The following RGS8 variants were observed in gnomAD, a reference collection of about 807,000 sequenced individuals.
RGS8 encodes regulator of G-protein signaling 8.
RGS8 carries 8 observed loss-of-function variants against 21.7 expected under a neutral mutation model. The observed-to-expected ratio is 0.37, with a 90% CI of 0.22 to 0.66. The LOEUF is 0.66. Among genes scored for constraint, RGS8 ranks in the 30% least tolerant of loss-of-function variants. RGS8 has a pLI of 0.59. For missense variants in RGS8, 157 were observed against 217.9 expected, an observed-to-expected ratio of 0.72 and a Z score of 1.76; for synonymous variants, 80 against 83.6, an observed-to-expected ratio of 0.96 and a Z score of 0.24.
At chr1:182,738,331 G>A in the RGS8 span, among the ~76,000 whole-genome samples, 1 of 152,100 alleles carries the variant, frequency 6.6e-6, no homozygotes, top group Non-Finnish European at 1.5e-5. Flanking sequence ...ACTTTTCCAG[G>A]TGTATTATGG....
At chr1:182,653,955 G>T (rs1001313562) in intron 5 of RGS8, among the ~76,000 whole-genome samples, 3 of 152,198 alleles carry the variant, frequency 2.0e-5, no homozygotes, top group African/African-American at 7.2e-5. Flanking sequence ...GCCTAGGAAA[G>T]GTAGGGTGTT....
the RGS8 span, among the ~76,000 whole-genome samples, chr1:182,751,638 C>A: frequency 6.6e-6 from 1 of 151,808 alleles, no homozygotes; most frequent in South Asian, 2.1e-4. Context: ...AACTTAAGAT[C>A]AATGATTTTT....
chr1:182,715,557 A>G, the RGS8 span, among the ~76,000 whole-genome samples: 28 of 152,222 alleles, frequency 1.8e-4, no homozygotes, highest in Admixed American at 3.3e-4. Flanking sequence ...GTGACCCAGC[A>G]TCACCCAGAT....
chr1:182,735,997 T>C, the RGS8 span, among the ~76,000 whole-genome samples: 1 of 152,262 alleles, frequency 6.6e-6, no homozygotes. Flanking sequence ...TCTGTCATTG[T>C]TTTTGCCATG....
upstream of RGS8, among the ~76,000 whole-genome samples, chr1:182,677,195 G>A (rs1664392689): frequency 1.3e-5 from 2 of 152,242 alleles, no homozygotes; most frequent in African/African-American, 4.8e-5. Context: ...ATCCAGAACT[G>A]TGGGCAAGCT....
chr1:182,679,654 C>A (rs1664477600), intron 1 of RGS8, among the ~76,000 whole-genome samples: 1 of 152,078 alleles, frequency 6.6e-6, no homozygotes, highest in African/African-American at 2.4e-5. Flanking sequence ...ATGTAGACAC[C>A]AATAGCTCCC....
At chr1:182,711,288 G>C in the RGS8 span, among the ~76,000 whole-genome samples, 6 of 152,272 alleles carry the variant, frequency 3.9e-5, no homozygotes, top group South Asian at 1.2e-3. Flanking sequence ...GCACCATGAT[G>C]TATCCCAATC....
upstream of RGS8, among the ~76,000 whole-genome samples, chr1:182,687,973 A>G (rs71632157): frequency 2.4e-3 from 368 of 152,332 alleles, 2 homozygotes; most frequent in South Asian, 0.013. Flanking sequence ...CATAGAGTTT[A>G]TGGTACATTT....
the RGS8 span, among the ~76,000 whole-genome samples, chr1:182,747,552 C>G: frequency 1.9e-3 from 282 of 152,260 alleles, no homozygotes; most frequent in African/African-American, 6.7e-3. Context: ...CCACTTCACT[C>G]AGAAATGAGC....
At position 182,666,855 on chromosome 1, in the gene RGS8, G is replaced by A. The variant is rs757029765; in HGVS notation, c.128+17C>T. 19 of 1,587,974 alleles carry A rather than the reference G, an allele frequency of 1.2e-5. No homozygotes were observed. In the Admixed American group the frequency reaches 2.0e-4, roughly 17 times the overall value. On this transcript the variant is annotated intron_variant, in intron 4 of 6. Transcript: ENST00000483095. ...TGCTGTATTACCCAGGGAATGGCAC[G>A]TGGCCGTACTACTCACTTGAGAGCG...
At chr1:182,730,192 G>A in the RGS8 span, among the ~76,000 whole-genome samples, 4 of 152,114 alleles carry the variant, frequency 2.6e-5, no homozygotes, top group South Asian at 6.2e-4. Context: ...CTCCACCAAG[G>A]AGCCCTGACT....
chr1:182,686,583 G>A (rs548866873), upstream of RGS8, among the ~76,000 whole-genome samples: 1 of 152,300 alleles, frequency 6.6e-6, no homozygotes, highest in Admixed American at 6.5e-5. Flanking sequence ...CAATCCATTT[G>A]AGAACTAGTT....
At chr1:182,712,986 TC>T in the RGS8 span, 1 of 152,172 alleles carries the variant, frequency 6.6e-6, no homozygotes, top group South Asian at 2.1e-4. Flanking sequence ...GTCAAATTAA[TC>T]ATTTGAATTT....
At chr1:182,660,952 G>T (rs1385379086) in intron 5 of RGS8, among the ~76,000 whole-genome samples, 1 of 151,904 alleles carries the variant, frequency 6.6e-6, no homozygotes, top group African/African-American at 2.4e-5. Flanking sequence ...GAACCTTTTG[G>T]CTTGGAGAGG....
chr1:182,680,354 T>C (rs1470170882), intron 1 of RGS8, among the ~76,000 whole-genome samples: 1 of 152,198 alleles, frequency 6.6e-6, no homozygotes, highest in Non-Finnish European at 1.5e-5. Context: ...CATGAGCACA[T>C]ATCACAGGGT....
At chr1:182,693,828 A>C in the RGS8 span, among the ~76,000 whole-genome samples, 1 of 152,220 alleles carries the variant, frequency 6.6e-6, no homozygotes. Flanking sequence ...AGCAACATGG[A>C]TGGTGCTGGA....
the RGS8 span, among the ~76,000 whole-genome samples, chr1:182,750,623 A>G: frequency 6.6e-6 from 1 of 152,218 alleles, no homozygotes; most frequent in African/African-American, 2.4e-5. Flanking sequence ...ATAGCCACCA[A>G]AATTTCTCCA....
Position 182,659,365 on chromosome 1 carries a change from G to T in RGS8, c.193+6604C>A, listed in dbSNP as rs185103840. Among the ~76,000 whole-genome samples, 507 of 152,292 alleles carry T rather than the reference G, an allele frequency of 3.3e-3. 3 individuals carry two copies. Among genetic ancestry groups the T allele is most frequent in the African/African-American group, 0.011 (469 of 41,564 alleles). Reference sequence around the variant, plus strand: ...GAAGTGTCCCCCTAACAGGGTGAAGGTTTAGCATTCACGAAGGAATCCTTT... The same window carrying T: ...GAAGTGTCCCCCTAACAGGGTGAAGTTTTAGCATTCACGAAGGAATCCTTT... On this transcript the variant is annotated intron_variant, in intron 5 of 6. Coordinates refer to ENST00000483095, the Ensembl canonical transcript of RGS8.
At chr1:182,682,735 C>T (rs1239048437) in intron 1 of RGS8, among the ~76,000 whole-genome samples, 1 of 152,142 alleles carries the variant, frequency 6.6e-6, no homozygotes, top group Non-Finnish European at 1.5e-5. Context: ...ACTTTTTCCA[C>T]CCCAACTCTG....
Sources: allele counts gnomAD v4.1 joint callset (sites outside exome capture counted in the v4.1 genomes callset), GRCh38; gene constraint gnomAD v4.1.1; transcripts MANE v1.5; gene names NCBI Gene and HGNC (gene_info 2026-07-23, HGNC 2026-07-21).